The following PPEF1 variants were observed in gnomAD, a reference collection of about 807,000 sequenced individuals.
The protein encoded by PPEF1 is serine/threonine-protein phosphatase with EF-hands 1.
In PPEF1, 12 loss-of-function variants were observed where a neutral mutation model predicts 53.3. The observed-to-expected ratio is 0.23, with a 90% CI of 0.14 to 0.36. PPEF1 has a LOEUF of 0.36. PPEF1 is among the 10% of genes least tolerant of loss of function. PPEF1 has a pLI of 1.00. For synonymous variants in PPEF1, 165 were observed against 176.7 expected (o/e 0.93, Z 0.52); for missense variants, 334 against 490.4 (o/e 0.68, Z 3.01).
At chrX:18,729,216 C>T (rs1266113049) in intron 1 of PPEF1, among the ~76,000 whole-genome samples, 1 of 111,849 alleles carries the variant, frequency 8.9e-6, no homozygotes, top group Non-Finnish European at 1.9e-5. Flanking sequence ...TTTCTTTATC[C>T]ACCTGCATTT....
rs190889026 is a variant in PPEF1 at position 18,716,261 on chromosome X, G to A, written c.46+8435G>A. Among the ~76,000 whole-genome samples the A allele has an allele frequency of 1.3e-4, 15 of 111,659 alleles. No homozygotes were observed. The East Asian group carries it at 2.0e-3, about 15-fold the overall frequency. On this transcript the variant is annotated intron_variant, in intron 1 of 15. Coordinates refer to ENST00000470157, the MANE Select transcript of PPEF1 (RefSeq NM_001377996.1). ...TAAAAATCAAACAATCGCCAGGCGC[G>A]GTGGCTCACGCCTGTAATCCCAGCA...
upstream of PPEF1, among the ~76,000 whole-genome samples, chrX:18,680,153 G>A (rs955540259): frequency 9.2e-6 from 1 of 108,716 alleles, no homozygotes; most frequent in African/African-American, 3.4e-5. Flanking sequence ...CAGCCACACC[G>A]GCCTGCTTGC....
intron 10 of PPEF1, among the ~76,000 whole-genome samples, chrX:18,794,298 C>T (rs1369116787): frequency 8.2e-5 from 4 of 48,857 alleles, no homozygotes; most frequent in Admixed American, 2.9e-4. Flanking sequence ...CCATCCTCCT[C>T]GTAAATGCTT....
intron 1 of PPEF1, among the ~76,000 whole-genome samples, chrX:18,728,562 C>T (rs939030587): frequency 9.0e-6 from 1 of 111,218 alleles, no homozygotes; most frequent in Non-Finnish European, 1.9e-5. Flanking sequence ...GGTGGGGACA[C>T]AGCCAAATCA....
intron 12 of PPEF1, among the ~76,000 whole-genome samples, chrX:18,812,811 C>T (rs988266489): frequency 8.1e-5 from 9 of 110,677 alleles, no homozygotes; most frequent in African/African-American, 9.9e-5. Context: ...CTCAGTCACC[C>T]AGGCTGGAGT....
chrX:18,800,025 T>C (rs1009641576), intron 10 of PPEF1, among the ~76,000 whole-genome samples: 1 of 111,652 alleles, frequency 9.0e-6, no homozygotes, highest in African/African-American at 3.3e-5. Flanking sequence ...AAGGACAAGC[T>C]CAGTTCTTAA....
chrX:18,677,915 C>A (rs1297757093), intron 1 of PPEF1, among the ~76,000 whole-genome samples: 1 of 110,941 alleles, frequency 9.0e-6, no homozygotes, highest in Admixed American at 9.6e-5. Context: ...AGTTCTTTGG[C>A]AATATCTGGA....
chrX:18,818,196 C>A, intron 13 of PPEF1, 51 bp downstream of exon 13: 1 of 819,823 alleles, frequency 1.2e-6, no homozygotes, highest in Non-Finnish European at 1.8e-6. Context: ...AAGTTACATA[C>A]AGATCACTTT....
At chrX:18,726,720 G>A (rs949217671) in intron 1 of PPEF1, among the ~76,000 whole-genome samples, 8 of 109,316 alleles carry the variant, frequency 7.3e-5, no homozygotes, top group African/African-American at 2.3e-4. Flanking sequence ...GAGTGCAGTG[G>A]CGGTGATCTT....
At chrX:18,796,414 G>A (rs191744006) in intron 10 of PPEF1, among the ~76,000 whole-genome samples, 2 of 112,642 alleles carry the variant, frequency 1.8e-5, no homozygotes, top group Admixed American at 1.9e-4. Flanking sequence ...CCTGTAGATA[G>A]AATCATAACC....
chrX:18,817,915 C>T (rs2046953748), intron 12 of PPEF1, 124 bp from the exon 13 acceptor site: 3 of 473,731 alleles, frequency 6.3e-6, no homozygotes, highest in Non-Finnish European at 7.1e-6. Flanking sequence ...CATCTAGTAG[C>T]GATATGTGAG....
intron 9 of PPEF1, among the ~76,000 whole-genome samples, chrX:18,788,817 C>T (rs2046270973): frequency 8.9e-6 from 1 of 112,374 alleles, no homozygotes; most frequent in South Asian, 3.7e-4. Flanking sequence ...TGGTATCTTC[C>T]ATTTTCTGTG....
At chrX:18,707,391 T>C (rs1000367774), upstream of PPEF1, among the ~76,000 whole-genome samples, 8 of 112,435 alleles carry the variant, frequency 7.1e-5, no homozygotes, top group Admixed American at 6.6e-4. Flanking sequence ...CTTTTCATTT[T>C]GAATGCTCTA....
chrX:18,684,250 A>C (rs1432682043), intron 1 of PPEF1, among the ~76,000 whole-genome samples: 2 of 111,832 alleles, frequency 1.8e-5, no homozygotes, highest in Non-Finnish European at 3.8e-5. Context: ...GTTAACCCAA[A>C]GGACTCATTT....
chrX:18,755,187 A>G (rs2045520924), intron 4 of PPEF1, among the ~76,000 whole-genome samples: 1 of 110,794 alleles, frequency 9.0e-6, no homozygotes. Context: ...CAGTGTACAG[A>G]GTAAAAAAAA....
Position 18,761,494 on chromosome X carries a change from T to G in PPEF1, c.512-36T>G, listed in dbSNP as rs770081352. On this transcript the variant is annotated intron_variant, in intron 5 of 15. Transcript: ENST00000470157. The stretch of plus-strand genomic sequence containing the variant: ...TTTAAAAATGGGCATTGCATCTTGT[T>G]CTCTACTGAATACTGATTTTTCATT... 33 of 1,167,576 alleles carry G rather than the reference T, an allele frequency of 2.8e-5. No homozygotes were observed. The African/African-American group carries it at 4.4e-4, about 16-fold the overall frequency.
chrX:18,810,218 A>G (rs1470884259), intron 12 of PPEF1, among the ~76,000 whole-genome samples: 2 of 109,515 alleles, frequency 1.8e-5, no homozygotes, highest in Non-Finnish European at 3.8e-5. Flanking sequence ...GAAGGGTTAT[A>G]ACATTGGACA....
intron 6 of PPEF1, among the ~76,000 whole-genome samples, chrX:18,772,211 A>G (rs926897310): frequency 2.7e-5 from 3 of 110,945 alleles, no homozygotes; most frequent in African/African-American, 9.8e-5. Flanking sequence ...GTGGAAGTGG[A>G]TCATCACCAA....
chrX:18,729,679 A>G (rs1458126593), intron 1 of PPEF1, among the ~76,000 whole-genome samples: 1 of 111,979 alleles, frequency 8.9e-6, no homozygotes, highest in Non-Finnish European at 1.9e-5. Context: ...CAAACTTCCT[A>G]TTGCCACAAA....
Sources: gnomAD v4.1 joint callset for allele counts (sites outside exome capture counted in the v4.1 genomes callset) on GRCh38, gnomAD v4.1.1 for gene constraint, MANE v1.5 for transcripts, NCBI Gene and HGNC (gene_info 2026-07-23, HGNC 2026-07-21) for gene names.